EPHA3: variants seen among roughly 807,000 people sequenced by gnomAD.
EPHA3 encodes ephrin type-A receptor 3.
A neutral mutation model predicts 107.1 loss-of-function variants in EPHA3; 42 were observed. The ratio of observed to expected loss-of-function variants is 0.39; its 90% CI spans 0.31 to 0.51. The LOEUF is 0.51. Ranked by LOEUF, EPHA3 falls within the 20% of genes least tolerant of loss-of-function variation. The pLI, the probability that EPHA3 is intolerant of heterozygous loss-of-function variation, is 0.78. For synonymous variants in EPHA3, 461 were observed against 424.8 expected (o/e 1.09, Z -1.05); for missense variants, 1,183 against 1,211.2 (o/e 0.98, Z 0.35).
At chr3:89,191,866 T>C (rs756284078) in intron 2 of EPHA3, among the ~76,000 whole-genome samples, 13 of 152,278 alleles carry the variant, frequency 8.5e-5, no homozygotes, top group Admixed American at 2.6e-4. Flanking sequence ...TAGTAAATGT[T>C]AAAAAGATAA....
At chr3:89,164,898 A>G (rs1472619450) in intron 2 of EPHA3, among the ~76,000 whole-genome samples, 2 of 152,228 alleles carry the variant, frequency 1.3e-5, no homozygotes, top group Non-Finnish European at 2.9e-5. Context: ...AGGTGTATTT[A>G]CACAACTACA....
intron 1 of EPHA3, among the ~76,000 whole-genome samples, chr3:89,110,256 T>C (rs1038632521): frequency 5.9e-5 from 9 of 151,944 alleles, no homozygotes; most frequent in African/African-American, 2.2e-4. Flanking sequence ...TTTACTAGAA[T>C]ATATTCTTCA....
chr3:89,377,465 T>TA (rs1489036862), intron 5 of EPHA3, among the ~76,000 whole-genome samples: 3 of 151,920 alleles, frequency 2.0e-5, no homozygotes, highest in Non-Finnish European at 4.4e-5. Context: ...TAACAAAGAG[T>TA]AAAAATACCA....
intron 7 of EPHA3, chr3:89,400,160 T>C (rs1576359384): frequency 1.4e-6 from 1 of 699,000 alleles, no homozygotes; most frequent in Non-Finnish European, 1.8e-6. Flanking sequence ...TAGAAGTTAA[T>C]GATTTTACTT....
chr3:89,167,522 A>G (rs1705100777), intron 2 of EPHA3, among the ~76,000 whole-genome samples: 1 of 152,104 alleles, frequency 6.6e-6, no homozygotes, highest in South Asian at 2.1e-4. Context: ...AAAATGCATC[A>G]TCTTCAATTG....
intron 15 of EPHA3, among the ~76,000 whole-genome samples, chr3:89,472,236 A>G (rs560443375): frequency 6.6e-6 from 1 of 152,360 alleles, no homozygotes; most frequent in Admixed American, 6.5e-5. Flanking sequence ...TCAGTGATTT[A>G]AAAGCATTTG....
intron 3 of EPHA3, among the ~76,000 whole-genome samples, chr3:89,279,360 A>G (rs544029794): frequency 1.4e-4 from 21 of 152,242 alleles, no homozygotes; most frequent in South Asian, 1.0e-3. Flanking sequence ...TACTTGTTCT[A>G]CACTTTAATA....
intron 3 of EPHA3, among the ~76,000 whole-genome samples, chr3:89,332,125 A>G (rs1707302741): frequency 6.6e-6 from 1 of 152,212 alleles, no homozygotes; most frequent in South Asian, 2.1e-4. Context: ...ATATTCTGTT[A>G]ATTGATCTCA....
intron 3 of EPHA3, among the ~76,000 whole-genome samples, chr3:89,273,907 C>T (rs76502391): frequency 0.016 from 2,420 of 151,868 alleles, 25 homozygotes; most frequent in Middle Eastern, 0.027. Flanking sequence ...ACTGTGCTTT[C>T]GGGCCATTTT....
intron 3 of EPHA3, among the ~76,000 whole-genome samples, chr3:89,324,921 T>A (rs1310566805): frequency 6.6e-6 from 1 of 152,134 alleles, no homozygotes. Context: ...TACCCAGTAT[T>A]TAGCTCTCAG....
intron 15 of EPHA3, among the ~76,000 whole-genome samples, chr3:89,456,964 G>T (rs1328742281): frequency 6.6e-6 from 1 of 152,218 alleles, no homozygotes; most frequent in East Asian, 1.9e-4. Context: ...GAAGAAAAAA[G>T]AATATTTAGA....
intron 5 of EPHA3, among the ~76,000 whole-genome samples, chr3:89,381,276 G>T (rs560007063): frequency 2.2e-4 from 34 of 151,900 alleles, no homozygotes; most frequent in Non-Finnish European, 1.2e-4. Context: ...CCGGCCTATA[G>T]GCTGGTTTTA....
At chr3:89,316,503 G>A (rs1217063563) in intron 3 of EPHA3, among the ~76,000 whole-genome samples, 114 of 82,530 alleles carry the variant, frequency 1.4e-3, no homozygotes, top group South Asian at 3.3e-3. Flanking sequence ...GTGTGTGTGT[G>A]TAATATATAT....
chr3:89,429,272 A>G, intron 12 of EPHA3, 105 bp downstream of exon 12: 2 of 831,504 alleles, frequency 2.4e-6, no homozygotes, highest in Non-Finnish European at 3.7e-6. Context: ...AGTTTAAAGT[A>G]AAACTGAAAT....
intron 3 of EPHA3, among the ~76,000 whole-genome samples, chr3:89,276,759 T>C (rs76026982): frequency 0.011 from 1,734 of 152,186 alleles, 28 homozygotes; most frequent in African/African-American, 0.037. Context: ...TAGGTTCCCA[T>C]AGAAGACAGG....
At chr3:89,215,249 C>T (rs12494615) in intron 3 of EPHA3, among the ~76,000 whole-genome samples, 21,184 of 151,662 alleles carry the variant, frequency 0.14, 1,582 homozygotes, top group African/African-American at 0.2. Context: ...TGTGCTTACA[C>T]GAATTATTAT....
chr3:89,217,938 A>G (rs528261858), intron 3 of EPHA3, among the ~76,000 whole-genome samples: 8 of 152,182 alleles, frequency 5.3e-5, no homozygotes, highest in Non-Finnish European at 1.2e-4. Flanking sequence ...TGCTTCTCTG[A>G]TAGTTACTGG....
At chr3:89,275,239 C>G (rs1321030674) in intron 3 of EPHA3, among the ~76,000 whole-genome samples, 1 of 152,012 alleles carries the variant, frequency 6.6e-6, no homozygotes, top group East Asian at 1.9e-4. Context: ...TCTACACACT[C>G]CTTTCCCTGG....
chr3:89,299,070 G>A (rs1559637840), intron 3 of EPHA3, among the ~76,000 whole-genome samples: 2 of 152,032 alleles, frequency 1.3e-5, no homozygotes, highest in Non-Finnish European at 2.9e-5. Flanking sequence ...AGGATTAAAT[G>A]TTTGAAGACA....
Sources: gnomAD v4.1 joint callset for allele counts (sites outside exome capture counted in the v4.1 genomes callset) on GRCh38, gnomAD v4.1.1 for gene constraint, MANE v1.5 for transcripts, NCBI Gene and HGNC (gene_info 2026-07-23, HGNC 2026-07-21) for gene names.